The following GPR39 variants were observed in gnomAD, a reference collection of about 807,000 sequenced individuals.
GPR39 encodes the protein zinc sensing receptor.
A neutral mutation model predicts 18.4 loss-of-function variants in GPR39; 23 were observed. The observed-to-expected ratio is 1.25, with a 90% CI of 0.90 to 1.77. The LOEUF (loss-of-function observed/expected upper bound fraction) is 1.77, where lower values mean the gene tolerates loss of function less well. Ranked by LOEUF, GPR39 falls within the 40% of genes most tolerant of loss-of-function variation. The probability of loss-of-function intolerance (pLI) is 0.00; values close to 1 mark genes in which losing one functional copy is unlikely to be tolerated. For missense variants in GPR39, 647 were observed against 602.4 expected, an observed-to-expected ratio of 1.07 and a Z score of -0.78; for synonymous variants, 280 against 257.9, an observed-to-expected ratio of 1.09 and a Z score of -0.82.
intron 1 of GPR39, among the ~76,000 whole-genome samples, chr2:132,550,313 C>A (rs571458769): frequency 6.6e-6 from 1 of 152,162 alleles, no homozygotes; most frequent in African/African-American, 2.4e-5. Flanking sequence ...TTGGATCAGT[C>A]CCCCCAGGGC....
At chr2:132,578,072 T>TG (rs1452808778) in intron 1 of GPR39, among the ~76,000 whole-genome samples, 1 of 151,400 alleles carries the variant, frequency 6.6e-6, no homozygotes, top group Non-Finnish European at 1.5e-5. Context: ...CTAGAGTTTT[T>TG]TTTTTTTTTT....
At chr2:132,621,090 C>T (rs1681433244) in intron 1 of GPR39, among the ~76,000 whole-genome samples, 2 of 152,104 alleles carry the variant, frequency 1.3e-5, no homozygotes, top group South Asian at 2.1e-4. Context: ...CCAGAGAAAT[C>T]GGGAAAGACC....
At chr2:132,454,754 C>T (rs975427602) in intron 1 of GPR39, among the ~76,000 whole-genome samples, 1 of 152,116 alleles carries the variant, frequency 6.6e-6, no homozygotes, top group Non-Finnish European at 1.5e-5. Flanking sequence ...TGGTTTTTGT[C>T]ATTGGTTCTG....
chr2:132,537,500 ATT>A (rs139929782), intron 1 of GPR39, among the ~76,000 whole-genome samples: 40,153 of 136,794 alleles, frequency 0.29, 5,915 homozygotes, highest in East Asian at 0.64. Flanking sequence ...TTCCCTTAAC[ATT>A]TTTTTTTTTT....
intron 1 of GPR39, among the ~76,000 whole-genome samples, chr2:132,510,918 A>G (rs917603669): frequency 6.6e-6 from 1 of 152,200 alleles, no homozygotes; most frequent in Admixed American, 6.5e-5. Flanking sequence ...GGCAGTGTTA[A>G]AAAGAGAAAA....
chr2:132,605,768 A>G (rs1274666345), intron 1 of GPR39, among the ~76,000 whole-genome samples: 9 of 152,214 alleles, frequency 5.9e-5, no homozygotes, highest in Admixed American at 2.6e-4. Flanking sequence ...GAGCAGCAGA[A>G]GATTGCAGCT....
At chr2:132,546,541 C>G (rs1679951585) in intron 1 of GPR39, among the ~76,000 whole-genome samples, 1 of 152,010 alleles carries the variant, frequency 6.6e-6, no homozygotes, top group Non-Finnish European at 1.5e-5. Context: ...TTGTAAGTTG[C>G]CTAAGAGAAG....
intron 1 of GPR39, among the ~76,000 whole-genome samples, chr2:132,467,042 C>T (rs77629826): frequency 6.6e-6 from 1 of 152,228 alleles, no homozygotes; most frequent in African/African-American, 2.4e-5. Context: ...CAGTAATACC[C>T]TAGTAGGAGT....
chr2:132,569,014 T>C (rs921197789), intron 1 of GPR39, among the ~76,000 whole-genome samples: 5 of 152,042 alleles, frequency 3.3e-5, no homozygotes, highest in Non-Finnish European at 5.9e-5. Flanking sequence ...ATGAAATGCA[T>C]AGACTAAGCG....
chr2:132,637,124 A>G (rs1172961905), intron 1 of GPR39, among the ~76,000 whole-genome samples: 2 of 152,250 alleles, frequency 1.3e-5, no homozygotes, highest in Non-Finnish European at 2.9e-5. Context: ...TTGATCATTT[A>G]TCATGCATCA....
intron 1 of GPR39, among the ~76,000 whole-genome samples, chr2:132,547,200 G>A (rs2104791299): frequency 6.6e-6 from 1 of 152,280 alleles, no homozygotes; most frequent in East Asian, 1.9e-4. Context: ...TTCAGGTGGG[G>A]GATGGAGGAA....
At chr2:132,620,675 C>T (rs76576388) in intron 1 of GPR39, among the ~76,000 whole-genome samples, 2,236 of 152,320 alleles carry the variant, frequency 0.015, 59 homozygotes, top group African/African-American at 0.051. Flanking sequence ...CACTTCCCCT[C>T]GCCTCTCTGT....
At chr2:132,423,576 C>G (rs1558794512) in intron 1 of GPR39, among the ~76,000 whole-genome samples, 1 of 152,166 alleles carries the variant, frequency 6.6e-6, no homozygotes, top group African/African-American at 2.4e-5. Flanking sequence ...GTTGTTTCCT[C>G]TGCCTGGCAT....
chr2:132,622,409 C>T (rs929214439), intron 1 of GPR39, among the ~76,000 whole-genome samples: 9 of 152,010 alleles, frequency 5.9e-5, no homozygotes, highest in African/African-American at 2.2e-4. Context: ...CAAAACAAAA[C>T]AAAAATCTAC....
intron 1 of GPR39, among the ~76,000 whole-genome samples, chr2:132,544,841 G>C (rs1472699204): frequency 2.0e-5 from 3 of 152,178 alleles, no homozygotes; most frequent in Non-Finnish European, 4.4e-5. Flanking sequence ...TGGGTCCAGG[G>C]CTTTTATGGG....
At chr2:132,432,460 C>T (rs778838855) in intron 1 of GPR39, among the ~76,000 whole-genome samples, 36 of 152,324 alleles carry the variant, frequency 2.4e-4, no homozygotes, top group Admixed American at 1.0e-3. Flanking sequence ...ATAGCATCCT[C>T]TGTGTGTGTC....
chr2:132,521,624 C>T (rs1679428264), intron 1 of GPR39, among the ~76,000 whole-genome samples: 1 of 152,212 alleles, frequency 6.6e-6, no homozygotes, highest in African/African-American at 2.4e-5. Context: ...GGTAAGGTAT[C>T]TCTGGTATTT....
chr2:132,588,921 G>T (rs545566696), intron 1 of GPR39, among the ~76,000 whole-genome samples: 9 of 152,252 alleles, frequency 5.9e-5, no homozygotes, highest in Admixed American at 3.3e-4. Context: ...CAAATGGGGA[G>T]ATAGAGAAAC....
At chr2:132,618,120 A>G (rs1344433942) in intron 1 of GPR39, among the ~76,000 whole-genome samples, 1 of 152,222 alleles carries the variant, frequency 6.6e-6, no homozygotes, top group Non-Finnish European at 1.5e-5. Flanking sequence ...TTCCTGCTTA[A>G]CAGAAGCTGG....
Sources: allele counts gnomAD v4.1 joint callset (sites outside exome capture counted in the v4.1 genomes callset), GRCh38; gene constraint gnomAD v4.1.1; transcripts MANE v1.5; gene names NCBI Gene and HGNC (gene_info 2026-07-23, HGNC 2026-07-21).